RPS13: variants seen among roughly 807,000 people sequenced by gnomAD.
RPS13 encodes the protein small ribosomal subunit protein uS15.
A neutral mutation model predicts 24.6 loss-of-function variants in RPS13; 1 was observed. That is an observed-to-expected ratio of 0.04 (90% confidence interval 0.01 to 0.19). The LOEUF (loss-of-function observed/expected upper bound fraction) is 0.19, where lower values mean the gene tolerates loss of function less well. Ranked by LOEUF, RPS13 falls within the 10% of genes least tolerant of loss-of-function variation. The probability of loss-of-function intolerance (pLI) is 1.00; values close to 1 mark genes in which losing one functional copy is unlikely to be tolerated. For synonymous variants in RPS13, 69 were observed against 65.3 expected (o/e 1.06, Z -0.27); for missense variants, 88 against 187.4 (o/e 0.47, Z 3.10).
intron 3 of RPS13, 117 bp downstream of exon 3, chr11:17,077,051 C>A: frequency 1.3e-6 from 1 of 754,384 alleles, no homozygotes; most frequent in Non-Finnish European, 2.4e-6. Context: ...AATGATGCCT[C>A]TAGCACGGTG....
intron 3 of RPS13, chr11:17,076,786 C>G: frequency 3.1e-6 from 1 of 326,830 alleles, no homozygotes; most frequent in Non-Finnish European, 5.9e-6. Context: ...TAAACATTTG[C>G]TGAATGAAGC....
intron 1 of RPS13, 43 bp from the exon 2 acceptor site, chr11:17,077,520 C>T: frequency 1.2e-6 from 2 of 1,613,436 alleles, no homozygotes; most frequent in East Asian, 4.5e-5. Context: ...CGGCTAGTGC[C>T]AGAGCAGCCC....
chr11:17,075,632 G>T lies in RPS13; in HGVS notation c.152-9C>A. On this transcript the variant is annotated splice_polypyrimidine_tract_variant and intron_variant, in intron 3 of 5. Coordinates refer to ENST00000525634, the MANE Select transcript of RPS13 (RefSeq NM_001017.3). ...ATCTCTCAGGATTACACCTGAAAAG[G>T]GAATCACGTTTTAACTTTCAACACG... The T allele has an allele frequency of 1.3e-6, 2 of 1,585,718 alleles. No homozygotes were observed. The highest frequency in any genetic ancestry group is 1.7e-6 in the Non-Finnish European group (2 of 1,169,692).
chr11:17,077,565 C>T lies in RPS13; in HGVS notation c.23+54G>A, dbSNP rs1172655408. ...TCCCCTCGGCCCGCTGCCCACACTC[C>T]CTGTCTTCCTCCCACCCCCCGCCCA... On this transcript the variant is annotated intron_variant, in intron 1 of 5. Coordinates refer to ENST00000525634, the MANE Select transcript of RPS13 (RefSeq NM_001017.3). 8 of 1,604,956 alleles carry T rather than the reference C, an allele frequency of 5.0e-6. No homozygotes were observed. The Admixed American group carries it at 1.0e-4, about 20-fold the overall frequency.
intron 2 of RPS13, 58 bp downstream of exon 2, chr11:17,077,371 C>G: frequency 6.3e-7 from 1 of 1,593,096 alleles, no homozygotes. Flanking sequence ...CGTCGCTTCA[C>G]CCGAGACAAA....
rs1848006644 is a variant in RPS13, at chr11:17,075,122, G to T, written c.397C>A (p.Arg133=). The change falls in exon 5 of 6, where the codon CGA becomes AGA. Residue 133 remains arginine (R), a synonymous_variant. Transcript: ENST00000525634. ...HRLARYYKTK[R]VLPPNWKYES... is the part of the protein sequence containing the mutation. ...TATTTCCAATTGGGAGGGAGGACTC[G>T]CTTGGTCTTATAATATCGAGCCAAA... 22 of 1,609,976 alleles carry T rather than the reference G, an allele frequency of 1.4e-5. No homozygotes were observed. The highest frequency in any genetic ancestry group is 4.5e-5 in the East Asian group (2 of 44,842).
rs756118074 is a variant in RPS13, at chr11:17,077,130, G to A, written c.151+38C>T. On this transcript the variant is annotated intron_variant, in intron 3 of 5. Coordinates refer to ENST00000525634, the MANE Select transcript of RPS13 (RefSeq NM_001017.3). ...TACTAGATCCTACAAGTCACACGAG[G>A]ACAGGCGAAATAGGCTATGTTAGAC... 3.5e-5 allele frequency: 52 copies of A among 1,468,742 alleles called. 1 individual carries two copies. The South Asian group carries it at 5.3e-4, about 15-fold the overall frequency. The allele number at this position is 1,468,742 out of a possible 1,614,324, so 91.0% of individuals were successfully genotyped here. A position where few individuals can be genotyped will look rare whatever the true frequency, so the allele number is the denominator to read the frequency against.
chr11:17,077,162 A>G lies in RPS13; in HGVS notation c.151+6T>C. ...GAAATAGGCTATGTTAGACACAAAC[A>G]CTCACCGATCTGTGAAGGAGTAAGG... On this transcript the variant is annotated splice_donor_region_variant and intron_variant, in intron 3 of 5. Transcript: ENST00000525634. The G allele has an allele frequency of 6.2e-7, 1 of 1,606,684 alleles. No homozygotes were observed. The highest frequency in any genetic ancestry group is 2.2e-5 in the East Asian group (1 of 44,788).
chr11:17,075,278 G>T, intron 4 of RPS13, 81 bp from the exon 5 acceptor site: 1 of 1,088,260 alleles, frequency 9.2e-7, no homozygotes, highest in Non-Finnish European at 1.3e-6. Flanking sequence ...AGAATGTAGA[G>T]CTACCATGCA....
In RPS13 at chr11:17,077,600, C is replaced by T. The variant is rs372733140; in HGVS notation, c.23+19G>A. On this transcript the variant is annotated intron_variant, in intron 1 of 5. Coordinates refer to ENST00000525634, the MANE Select transcript of RPS13 (RefSeq NM_001017.3). Reference sequence around the variant, plus strand: ...TCCCACCCCCCGCCCAGCAATCCGGCTTGATGCCCCGAGCTCACCCGGGAG... The same window carrying T: ...TCCCACCCCCCGCCCAGCAATCCGGTTTGATGCCCCGAGCTCACCCGGGAG... 51 of 1,027,764 alleles carry T rather than the reference C, an allele frequency of 5.0e-5. No homozygotes were observed. The African/African-American group carries it at 6.8e-4, about 14-fold the overall frequency. 63.7% of individuals were successfully genotyped at this position (1,027,764 alleles called of 1,614,324 possible). A position where few individuals can be genotyped will look rare whatever the true frequency, so the allele number is the denominator to read the frequency against.
chr11:17,077,014 C>G (rs1848033076), intron 3 of RPS13, 154 bp downstream of exon 3: 1 of 645,590 alleles, frequency 1.5e-6, no homozygotes, highest in South Asian at 1.9e-5. Context: ...CAGAATTAAA[C>G]GAAATCAGTA....
chr11:17,077,277 G>A (rs572889886), intron 2 of RPS13, 31 bp from the exon 3 acceptor site: 1 of 1,599,126 alleles, frequency 6.3e-7, no homozygotes, highest in African/African-American at 1.3e-5. Flanking sequence ...GCCTTAGGAT[G>A]AGAACCCAGG....
intron 2 of RPS13, 37 bp from the exon 3 acceptor site, chr11:17,077,283 C>T: frequency 6.3e-7 from 1 of 1,592,466 alleles, no homozygotes; most frequent in East Asian, 2.2e-5. Context: ...GGATGAGAAC[C>T]CAGGAATGGC....
intron 2 of RPS13, 62 bp from the exon 3 acceptor site, chr11:17,077,308 G>T: frequency 6.3e-7 from 1 of 1,575,620 alleles, no homozygotes; most frequent in Non-Finnish European, 8.7e-7. Context: ...CAGAACAGCG[G>T]TCTCTCCTTC....
chr11:17,076,072 T>C (rs1848021317), intron 3 of RPS13: 1 of 280,378 alleles, frequency 3.6e-6, no homozygotes, highest in Non-Finnish European at 7.1e-6. Flanking sequence ...GGAGTACAGA[T>C]ATTTTGCACC....
At chr11:17,075,695 G>A (rs1848015082) in intron 3 of RPS13, 72 bp from the exon 4 acceptor site, 5 of 1,220,256 alleles carry the variant, frequency 4.1e-6, no homozygotes, top group Non-Finnish European at 4.7e-6. Flanking sequence ...TCAAGGCTCA[G>A]AAATCAGGGC....
Position 17,077,231 on chromosome 11 carries a change from A to T in RPS13, c.88T>A (p.Ser30Thr). The T allele has an allele frequency of 6.2e-7, 1 of 1,613,850 alleles. No individual in the cohort carries two copies. Among genetic ancestry groups the T allele is most frequent in the East Asian group, 2.2e-5 (1 of 44,874 alleles). The change falls in exon 3 of 6, where the codon TCT becomes ACT. Residue 30 changes from serine to threonine, a missense_variant. Coordinates refer to ENST00000525634, the MANE Select transcript of RPS13 (RefSeq NM_001017.3). ...RSVPTWLKLT[S>T]DDVKEQIYKL... ...TAAATCTGCTCCTTCACGTCGTCAG[A>T]TGTCAACTTCAACCACTGTTATGGA...
rs1321231792 is a variant in RPS13, at chr11:17,074,485, G to A, written c.423-19C>T. The A allele has an allele frequency of 2.5e-6, 4 of 1,601,872 alleles. No homozygotes were observed. The highest frequency in any genetic ancestry group is 4.5e-5 in the East Asian group (2 of 44,812). ...TGATTCACTGAAAAAGAAAAAAGGG[G>A]AAAGAAAGAAAATCAGGATTAATAC... On this transcript the variant is annotated intron_variant, in intron 5 of 5. Transcript: ENST00000525634.
At chr11:17,075,969 T>C in intron 3 of RPS13, 1 of 388,614 alleles carries the variant, frequency 2.6e-6, no homozygotes, top group Non-Finnish European at 5.0e-6. Context: ...TTACACGTTA[T>C]TTCTTTTAAA....
Sources: allele counts gnomAD v4.1 joint callset, GRCh38; gene constraint gnomAD v4.1.1; transcripts MANE v1.5; gene names NCBI Gene and HGNC (gene_info 2026-07-23, HGNC 2026-07-21).